The following AHDC1 variants were observed in gnomAD, a reference collection of about 807,000 sequenced individuals.
The protein encoded by AHDC1 is transcription factor Gibbin.
In AHDC1, 7 loss-of-function variants were observed where a neutral mutation model predicts 87.9. The observed-to-expected ratio is 0.08, with a 90% confidence interval of 0.05 to 0.15. AHDC1 has a LOEUF of 0.15. Ranked by LOEUF, AHDC1 falls within the 10% of genes least tolerant of loss-of-function variation. AHDC1 has a pLI of 1.00. For missense variants in AHDC1, 1,841 were observed against 2,253.2 expected (o/e 0.82, Z 3.70); for synonymous variants, 1,051 against 1,006.8 (o/e 1.04, Z -0.83).
chr1:27,539,388 C>A (rs1453453006), intron 8 of AHDC1, among the ~76,000 whole-genome samples: 1 of 151,846 alleles, frequency 6.6e-6, no homozygotes, highest in Non-Finnish European at 1.5e-5. Flanking sequence ...CCTCCCACCT[C>A]GGCACCCCAA....
Position 27,549,912 on chromosome 1 carries a change from G to C in AHDC1, c.2204C>G (p.Thr735Ser), listed in dbSNP as rs1431094571. The C allele has an allele frequency of 3.7e-6, 6 of 1,613,708 alleles. No homozygotes were observed. Among genetic ancestry groups the C allele is most frequent in the African/African-American group, 1.3e-5 (1 of 75,036 alleles). The change falls in exon 8 of 9, where the codon ACT (threonine) becomes AGT (serine). Residue 735 changes from threonine (T) to serine (S), a missense_variant. Coordinates refer to ENST00000673934, the MANE Select transcript of AHDC1 (RefSeq NM_001371928.1). ...KRGRGEVDAV[T>S]GKPKRKRRSR... ...CCGTCTCTTGCGCTTTGGCTTCCCA[G>C]TCACAGCGTCTACCTCCCCCCGGCC...
In AHDC1 at chr1:27,563,646, C is replaced by T. The variant is rs778635751; in HGVS notation, c.-628-4763G>A. Among the ~76,000 whole-genome samples the T allele has an allele frequency of 7.9e-5, 12 of 152,220 alleles. No individual in the cohort carries two copies. The highest frequency in any genetic ancestry group is 2.1e-4 in the South Asian group (1 of 4,830). On this transcript the variant is annotated intron_variant, in intron 3 of 8. Transcript: ENST00000673934. This position sits in a 1 kb window ranked among gnomAD's most constrained non-coding sequence, Gnocchi z 6.1. The stretch of plus-strand genomic sequence containing the variant: ...AATGTCACCCCAGCACTGCCAGAGC[C>T]GGGCACAGCCACACATTGCCCCAGT...
intron 3 of AHDC1, among the ~76,000 whole-genome samples, chr1:27,594,404 C>T (rs2089308037): frequency 6.6e-6 from 1 of 152,194 alleles, no homozygotes; most frequent in Non-Finnish European, 1.5e-5. Context: ...CTGTCCCTCT[C>T]TCCCACATAC....
chr1:27,561,804 A>G lies in AHDC1; in HGVS notation c.-628-2921T>C, dbSNP rs2020097400. On this transcript the variant is annotated intron_variant, in intron 3 of 8. Coordinates refer to ENST00000673934, the MANE Select transcript of AHDC1 (RefSeq NM_001371928.1). This position sits in a 1 kb window ranked among gnomAD's most constrained non-coding sequence, Gnocchi z 4.2. ...GGGAGAGAAACAGAGACAGAGAGAC[A>G]GAGAAAGACAGAAACTGGAAGACGG... 6.6e-6 allele frequency among the ~76,000 whole-genome samples: 1 copy of G among 152,158 alleles called. No individual in the cohort carries two copies. Among genetic ancestry groups the G allele is most frequent in the African/African-American group, 2.4e-5 (1 of 41,414 alleles).
At chr1:27,580,471 A>T (rs1014423475) in intron 3 of AHDC1, among the ~76,000 whole-genome samples, 1 of 148,740 alleles carries the variant, frequency 6.7e-6, no homozygotes. Context: ...TTCTTTGAAA[A>T]CCCTCCCATA....
At chr1:27,602,989 C>A (rs1195623853) in intron 3 of AHDC1, among the ~76,000 whole-genome samples, 2 of 138,514 alleles carry the variant, frequency 1.4e-5, no homozygotes, top group Non-Finnish European at 3.2e-5. Context: ...CCTTCATTCC[C>A]CCCCCCCCCA....
chr1:27,575,240 GC>G (rs1475889456), intron 3 of AHDC1, among the ~76,000 whole-genome samples: 1 of 152,132 alleles, frequency 6.6e-6, no homozygotes, highest in Non-Finnish European at 1.5e-5. Context: ...TGCCACCTCC[GC>G]CCCCCTCCCA....
In AHDC1 at chr1:27,562,910, G is replaced by A. The variant is rs1009372383; in HGVS notation, c.-628-4027C>T. Among the ~76,000 whole-genome samples the A allele has an allele frequency of 7.9e-5, 12 of 152,116 alleles. No individual in the cohort carries two copies. Among genetic ancestry groups the A allele is most frequent in the East Asian group, 1.9e-4 (1 of 5,192 alleles). On this transcript the variant is annotated intron_variant, in intron 3 of 8. Coordinates refer to ENST00000673934, the MANE Select transcript of AHDC1 (RefSeq NM_001371928.1). This position sits in a 1 kb window ranked among gnomAD's most constrained non-coding sequence, Gnocchi z 4.4. ...ACACACACAACAGCCAGAGACAGGC[G>A]CACAAGTTGGTGACAACCCTCCTAA... is the stretch of plus-strand genomic sequence containing the variant.
chr1:27,564,040 G>C (rs1386068417), intron 3 of AHDC1, among the ~76,000 whole-genome samples: 1 of 152,154 alleles, frequency 6.6e-6, no homozygotes, highest in Non-Finnish European at 1.5e-5. Flanking sequence ...ATAATGGCTT[G>C]AGACCCCCAT....
chr1:27,597,269 G>A (rs935124736), intron 3 of AHDC1, among the ~76,000 whole-genome samples: 1 of 152,172 alleles, frequency 6.6e-6, no homozygotes, highest in African/African-American at 2.4e-5. Context: ...GCACAGGTGC[G>A]TGTTCACCAG....
intron 3 of AHDC1, among the ~76,000 whole-genome samples, chr1:27,587,173 C>T (rs1346276230): frequency 6.6e-6 from 1 of 152,206 alleles, no homozygotes; most frequent in Non-Finnish European, 1.5e-5. Context: ...GCTCATTGCA[C>T]AGATGGGGAA....
intron 8 of AHDC1, among the ~76,000 whole-genome samples, chr1:27,539,771 T>C (rs1184120400): frequency 6.6e-6 from 1 of 152,158 alleles, no homozygotes; most frequent in Non-Finnish European, 1.5e-5. Flanking sequence ...GTGAGTCCAC[T>C]ACTGACCAGA....
chr1:27,574,121 G>C (rs1400460760), intron 3 of AHDC1, among the ~76,000 whole-genome samples: 1 of 152,228 alleles, frequency 6.6e-6, no homozygotes, highest in Non-Finnish European at 1.5e-5. Flanking sequence ...AAGGAGATGA[G>C]AGGAAGAGGA....
intron 3 of AHDC1, among the ~76,000 whole-genome samples, chr1:27,578,668 T>C (rs2088824282): frequency 1.3e-5 from 2 of 152,098 alleles, no homozygotes; most frequent in East Asian, 3.9e-4. Context: ...TTAATGTGGC[T>C]ACTTGAAAAT....
rs762492021 is a variant in AHDC1, at chr1:27,548,433, C to T, written c.3683G>A (p.Ser1228Asn). 2.6e-5 allele frequency: 42 copies of T among 1,613,142 alleles called. No individual in the cohort carries two copies. Among genetic ancestry groups the T allele is most frequent in the Non-Finnish European group, 3.6e-5 (42 of 1,179,438 alleles). Residue 1228 changes from serine (S) to asparagine (N), a missense_variant, in exon 8 of 9, where the codon AGC (serine) becomes AAC (asparagine). Ser to Asn is a conservative substitution (Grantham distance 46, BLOSUM62 1). Around this residue, in one of 13 missense-constraint regions of AHDC1, gnomAD observed 505 missense variants for 626.2 expected, o/e 0.81. Coordinates refer to ENST00000673934, the MANE Select transcript of AHDC1 (RefSeq NM_001371928.1). ...NWNQSVLFQSSSKPGRGRRKK... is the reference protein window; with the variant it reads ...NWNQSVLFQSNSKPGRGRRKK... ...CCGCCGTCCACGGCCCGGCTTGGAG[C>T]TACTCTGAAAGAGGACACTCTGGTT...
At chr1:27,564,462 G>C (rs1195656931) in intron 3 of AHDC1, among the ~76,000 whole-genome samples, 1 of 152,232 alleles carries the variant, frequency 6.6e-6, no homozygotes, top group Non-Finnish European at 1.5e-5. Context: ...AAGAGTGCCA[G>C]CCTCATGAGA....
In AHDC1 at chr1:27,590,148, C is replaced by G. The variant is rs948929880; in HGVS notation, c.-629+13249G>C. Among the ~76,000 whole-genome samples the G allele has an allele frequency of 6.6e-6, 1 of 151,668 alleles. No homozygotes were observed. Among genetic ancestry groups the G allele is most frequent in the Non-Finnish European group, 1.5e-5 (1 of 67,984 alleles). ...GAGGGGAGGGATGAGCTGCAGGCCC[C>G]GGCCGGGATTTTCCATCTCTCAGCA... is the stretch of plus-strand genomic sequence containing the variant. On this transcript the variant is annotated intron_variant, in intron 3 of 8. Coordinates refer to ENST00000673934, the MANE Select transcript of AHDC1 (RefSeq NM_001371928.1). The surrounding 1 kb of genome is among the most constrained non-coding windows in gnomAD (Gnocchi z 5.4).
Position 27,550,450 on chromosome 1 carries a change from G to C in AHDC1, c.1666C>G (p.Leu556Val). 6.2e-6 allele frequency: 10 copies of C among 1,608,180 alleles called. No individual in the cohort carries two copies. The highest frequency in any genetic ancestry group is 8.5e-6 in the Non-Finnish European group (10 of 1,175,756). ...KRGRPPKNLLLGPGKPKEPAV... is the reference protein window; with the variant it reads ...KRGRPPKNLLVGPGKPKEPAV... The stretch of plus-strand genomic sequence containing the variant: ...GGCTCCTTGGGCTTGCCGGGACCCA[G>C]CAGCAGGTTCTTAGGAGGGCGGCCG... The change falls in exon 8 of 9, where the codon CTG becomes GTG. Residue 556 changes from leucine (L) to valine (V), a missense_variant. Coordinates refer to ENST00000673934, the MANE Select transcript of AHDC1 (RefSeq NM_001371928.1).
intron 3 of AHDC1, among the ~76,000 whole-genome samples, chr1:27,584,593 C>T (rs2088995071): frequency 6.6e-6 from 1 of 152,160 alleles, no homozygotes; most frequent in African/African-American, 2.4e-5. Context: ...AGTTGGGCAG[C>T]AAGCTCTCTG....
Sources: gnomAD v4.1 joint callset for allele counts (sites outside exome capture counted in the v4.1 genomes callset) on GRCh38, gnomAD v4.1.1 for gene constraint, gnomAD v4.1.1 regional missense constraint, Gnocchi (gnomAD v3.1) non-coding constraint, MANE v1.5 for transcripts, NCBI Gene and HGNC (gene_info 2026-07-23, HGNC 2026-07-21) for gene names.